The following UGDH variants were observed in gnomAD, a reference collection of about 807,000 sequenced individuals.
The protein encoded by UGDH is UDP-Glc dehydrogenase.
A neutral mutation model predicts 50.6 loss-of-function variants in UGDH; 38 were observed. The ratio of observed to expected loss-of-function variants is 0.75; its 90% CI spans 0.58 to 0.98. The LOEUF (loss-of-function observed/expected upper bound fraction) is 0.98. UGDH is among the 50% of genes least tolerant of loss of function. UGDH has a pLI of 0.00. For synonymous variants in UGDH, 168 were observed against 199.9 expected, an observed-to-expected ratio of 0.84 and a Z score of 1.35; for missense variants, 465 against 606.2, an observed-to-expected ratio of 0.77 and a Z score of 2.45.
intron 1 of UGDH, 72 bp from the exon 2 acceptor site, chr4:39,521,591 T>G (rs778205384): frequency 1.6e-5 from 20 of 1,232,640 alleles, no homozygotes; most frequent in Admixed American, 3.0e-5. Context: ...TGTACATTAA[T>G]TATACTTTAT....
intron 3 of UGDH, among the ~76,000 whole-genome samples, chr4:39,512,751 G>A (rs17510526): frequency 0.1 from 15,711 of 151,586 alleles, 1,160 homozygotes; most frequent in Middle Eastern, 0.16. Flanking sequence ...TAGGGGATGG[G>A]TAGGTAAGTC....
intron 2 of UGDH, among the ~76,000 whole-genome samples, chr4:39,519,994 C>G (rs1252016082): frequency 1.3e-5 from 2 of 152,138 alleles, no homozygotes; most frequent in Non-Finnish European, 2.9e-5. Flanking sequence ...TTGAGACTTT[C>G]CTTCTAAAAG....
At chr4:39,509,169 G>T (rs1419269997) in intron 6 of UGDH, among the ~76,000 whole-genome samples, 1 of 150,210 alleles carries the variant, frequency 6.7e-6, no homozygotes, top group East Asian at 2.0e-4. Flanking sequence ...TTGCAGAGCT[G>T]GGGCTTCACC....
chr4:39,504,558 G>T, intron 9 of UGDH, 50 bp from the exon 10 acceptor site: 1 of 1,494,670 alleles, frequency 6.7e-7, no homozygotes, highest in South Asian at 1.2e-5. Context: ...GGAGTTATAT[G>T]ACATTACAGT....
intron 1 of UGDH, 22 bp downstream of exon 1, chr4:39,527,261 C>T: frequency 1.8e-6 from 1 of 540,826 alleles, no homozygotes; most frequent in Non-Finnish European, 2.9e-6. Context: ...GGCGGCGGGG[C>T]CAGCCTGGGA....
intron 2 of UGDH, among the ~76,000 whole-genome samples, chr4:39,514,762 G>A (rs6825569): frequency 0.37 from 54,993 of 150,052 alleles, 12,033 homozygotes; most frequent in East Asian, 0.69. Context: ...GGCTCACTGC[G>A]ACTTCCGTCT....
chr4:39,506,233 T>TAAACAA (rs1553937126), intron 7 of UGDH, among the ~76,000 whole-genome samples: 1 of 131,134 alleles, frequency 7.6e-6, no homozygotes, highest in African/African-American at 2.9e-5. Context: ...GCCGTAAATT[T>TAAACAA]AAAAAAAAAA....
chr4:39,505,563 A>G (rs1415643418), intron 8 of UGDH, 55 bp downstream of exon 8: 4 of 1,460,868 alleles, frequency 2.7e-6, no homozygotes, highest in Non-Finnish European at 3.6e-6. Flanking sequence ...CAAAAAATTA[A>G]GATGAGGAGT....
At chr4:39,525,340 C>A (rs1746830841) in intron 1 of UGDH, among the ~76,000 whole-genome samples, 1 of 151,948 alleles carries the variant, frequency 6.6e-6, no homozygotes, top group Non-Finnish European at 1.5e-5. Flanking sequence ...ATTACAGGTG[C>A]CCACCACCAC....
At chr4:39,519,480 C>T (rs1746562472) in intron 2 of UGDH, among the ~76,000 whole-genome samples, 1 of 151,990 alleles carries the variant, frequency 6.6e-6, no homozygotes, top group African/African-American at 2.4e-5. Context: ...TAGAACTCAC[C>T]ATCAAGTTAT....
intron 1 of UGDH, among the ~76,000 whole-genome samples, chr4:39,522,408 A>G (rs1316132972): frequency 1.3e-5 from 2 of 152,252 alleles, no homozygotes; most frequent in Non-Finnish European, 2.9e-5. Flanking sequence ...AAGAGAAGGA[A>G]AATGGTAATC....
intron 2 of UGDH, among the ~76,000 whole-genome samples, chr4:39,520,082 T>A (rs1398159290): frequency 1.3e-5 from 2 of 152,154 alleles, no homozygotes; most frequent in South Asian, 2.1e-4. Flanking sequence ...CTCACACCTG[T>A]AATCCCAGCA....
rs757754536 is a variant in UGDH at position 39,509,909 on chromosome 4, T to C, written c.664-2A>G. The C allele has an allele frequency of 2.6e-6, 4 of 1,565,434 alleles. No homozygotes were observed. Among genetic ancestry groups the C allele is most frequent in the African/African-American group, 2.8e-5 (2 of 70,236 alleles). On this transcript the variant is annotated splice_acceptor_variant, in intron 5 of 11. Transcript: ENST00000316423. LOFTEE classifies it high-confidence loss of function. ...CTGGGCAAGAAAAGCATTTGCTGCC[T>C]TAAAAAAAAAAAACATAGAGAAGAG...
At chr4:39,507,022 G>A (rs144870611) in intron 7 of UGDH, among the ~76,000 whole-genome samples, 8 of 152,248 alleles carry the variant, frequency 5.3e-5, no homozygotes, top group African/African-American at 1.7e-4. Context: ...AAAAAGAAAC[G>A]TGCATTTCTT....
At position 39,508,567 on chromosome 4, in the gene UGDH, T is replaced by G; in HGVS notation, c.905A>C (p.Gln302Pro). 1 of 1,611,330 alleles carries G rather than the reference T, an allele frequency of 6.2e-7. No homozygotes were observed. Among genetic ancestry groups the G allele is most frequent in the African/African-American group, 1.3e-5 (1 of 74,554 alleles). The change falls in exon 7 of 12, where the codon CAG (glutamine) becomes CCG (proline). Residue 302 changes from glutamine to proline, a missense_variant and splice_region_variant. Gln to Pro is a moderately conservative substitution (Grantham distance 76). Transcript: ENST00000316423. ...NLPEVARYWQ[Q>P]VIDMNDYQRR... ...ATTATTACCTATAGAGATTAATACC[T>G]GCTGCCAATAACGAGCTACTTCTGG... is the stretch of plus-strand genomic sequence containing the variant.
intron 3 of UGDH, among the ~76,000 whole-genome samples, chr4:39,511,265 C>T (rs1182649026): frequency 7.1e-6 from 1 of 141,598 alleles, no homozygotes; most frequent in Non-Finnish European, 1.5e-5. Flanking sequence ...GTTTTAAAGT[C>T]TTTTTTTTTT....
intron 11 of UGDH, among the ~76,000 whole-genome samples, chr4:39,500,830 T>C (rs951874892): frequency 6.6e-5 from 10 of 152,076 alleles, no homozygotes; most frequent in Admixed American, 4.6e-4. Flanking sequence ...AATTTTTGTA[T>C]TTTTAGTAGA....
intron 7 of UGDH, among the ~76,000 whole-genome samples, chr4:39,506,034 C>T (rs1179191746): frequency 1.3e-5 from 2 of 151,828 alleles, no homozygotes; most frequent in African/African-American, 4.8e-5. Flanking sequence ...AGTTCAAGAC[C>T]AGCCTGGGCA....
chr4:39,520,007 T>C (rs1746584323), intron 2 of UGDH, among the ~76,000 whole-genome samples: 1 of 152,248 alleles, frequency 6.6e-6, no homozygotes, highest in South Asian at 2.1e-4. Flanking sequence ...TCTAAAAGTC[T>C]AAGGCAACTA....
Sources: allele counts gnomAD v4.1 joint callset (sites outside exome capture counted in the v4.1 genomes callset), GRCh38; gene constraint gnomAD v4.1.1; transcripts MANE v1.5; gene names NCBI Gene and HGNC (gene_info 2026-07-23, HGNC 2026-07-21).